Variants in BMPER observed in about 807,000 individuals in gnomAD.
The protein encoded by BMPER is BMP binding endothelial regulator, also known as BMP-binding endothelial regulator protein.
Under a neutral mutation model 87.3 loss-of-function variants are expected in BMPER, and 45 were observed. The ratio of observed to expected loss-of-function variants is 0.52; its 90% CI spans 0.41 to 0.66. The LOEUF is 0.66. Ranked by LOEUF, BMPER falls within the 30% of genes least tolerant of loss-of-function variation. The probability of loss-of-function intolerance (pLI) is 0.00; values close to 1 mark genes in which losing one functional copy is unlikely to be tolerated. For synonymous variants in BMPER, 326 were observed against 316.2 expected, an observed-to-expected ratio of 1.03 and a Z score of -0.33; for missense variants, 784 against 867.5, an observed-to-expected ratio of 0.90 and a Z score of 1.21.
intron 6 of BMPER, among the ~76,000 whole-genome samples, chr7:34,020,327 T>G (rs1787145832): frequency 6.6e-6 from 1 of 151,970 alleles, no homozygotes; most frequent in South Asian, 2.1e-4. Flanking sequence ...GGTATAGAAA[T>G]AAGTTGGCAG....
Position 34,001,026 on chromosome 7 carries a change from C to T in BMPER, c.576+26242C>T, listed in dbSNP as rs541794844. On this transcript the variant is annotated intron_variant, in intron 6 of 14. Transcript: ENST00000649409. ...ATTTTAAACCAACCTTACATTTCTG[C>T]GATAACTCTCACATGCTATATCTTT... Among the ~76,000 whole-genome samples, 11 of 151,914 alleles carry T rather than the reference C, an allele frequency of 7.2e-5. No individual in the cohort carries two copies. In the South Asian group the frequency reaches 1.2e-3, roughly 17 times the overall value.
intron 13 of BMPER, among the ~76,000 whole-genome samples, chr7:34,129,288 G>A (rs1562761629): frequency 6.6e-6 from 1 of 151,938 alleles, no homozygotes; most frequent in African/African-American, 2.4e-5. Flanking sequence ...GGATCATAAG[G>A]TCAGGAGTTT....
chr7:34,077,202 G>C (rs1788888171), intron 11 of BMPER, among the ~76,000 whole-genome samples: 1 of 152,306 alleles, frequency 6.6e-6, no homozygotes, highest in South Asian at 2.1e-4. Flanking sequence ...GGAAATGTGG[G>C]ATAGGATGAT....
chr7:33,941,306 G>A (rs1004188922), intron 3 of BMPER, among the ~76,000 whole-genome samples: 20 of 149,958 alleles, frequency 1.3e-4, no homozygotes, highest in East Asian at 9.7e-4. Context: ...ATGGAGCCTC[G>A]TTTTTTCAGA....
chr7:34,137,448 T>C (rs1026129112), intron 13 of BMPER, among the ~76,000 whole-genome samples: 5 of 152,264 alleles, frequency 3.3e-5, no homozygotes, highest in Non-Finnish European at 5.9e-5. Context: ...TTTCACTCTT[T>C]GAATGATTCA....
chr7:33,933,735 A>G (rs1022207883), intron 2 of BMPER, among the ~76,000 whole-genome samples: 5 of 152,130 alleles, frequency 3.3e-5, no homozygotes, highest in African/African-American at 1.2e-4. Context: ...TCCTGTCTGG[A>G]GCCACCAGGA....
intron 12 of BMPER, 23 bp downstream of exon 12, chr7:34,079,209 C>T (rs1414743589): frequency 6.2e-7 from 1 of 1,612,692 alleles, no homozygotes; most frequent in African/African-American, 1.3e-5. Flanking sequence ...TGGCCTCCCT[C>T]TTGCTCTAGC....
At chr7:33,906,463 AT>A (rs1783819419) in intron 1 of BMPER, among the ~76,000 whole-genome samples, 1 of 91,996 alleles carries the variant, frequency 1.1e-5, no homozygotes, top group Admixed American at 1.3e-4. Flanking sequence ...TTTAAATTTT[AT>A]TTTTTATTTT....
intron 13 of BMPER, among the ~76,000 whole-genome samples, chr7:34,086,896 T>C (rs1436202422): frequency 6.6e-6 from 1 of 152,138 alleles, no homozygotes; most frequent in Non-Finnish European, 1.5e-5. Context: ...TTAACCACTG[T>C]GGGTGTGGGA....
At chr7:33,961,854 G>C (rs1438973488) in intron 3 of BMPER, among the ~76,000 whole-genome samples, 1 of 152,144 alleles carries the variant, frequency 6.6e-6, no homozygotes, top group Non-Finnish European at 1.5e-5. Context: ...TGGAGTTCTA[G>C]GGATGAAGGG....
chr7:33,906,520 AAGG>A (rs1310632356), intron 1 of BMPER, among the ~76,000 whole-genome samples: 1 of 152,088 alleles, frequency 6.6e-6, no homozygotes, highest in Non-Finnish European at 1.5e-5. Context: ...TATCTTCATA[AAGG>A]AGGAGTGTTA....
At chr7:33,905,435 CTCT>C, upstream of BMPER, 2 of 216,268 alleles carry the variant, frequency 9.2e-6, no homozygotes, top group South Asian at 5.5e-5. Flanking sequence ...ACACCTTGGT[CTCT>C]CCCCCCGCCC....
At chr7:33,970,491 C>T in intron 5 of BMPER, 72 bp downstream of exon 5, 2 of 1,483,992 alleles carry the variant, frequency 1.3e-6, no homozygotes, top group African/African-American at 1.4e-5. Context: ...CTCCCAACCC[C>T]TCTTGTTGGA....
At chr7:34,027,265 T>C (rs1787382206) in intron 6 of BMPER, among the ~76,000 whole-genome samples, 1 of 152,232 alleles carries the variant, frequency 6.6e-6, no homozygotes, top group South Asian at 2.1e-4. Context: ...ACTATTTGCC[T>C]TTTTGACTAT....
intron 3 of BMPER, among the ~76,000 whole-genome samples, chr7:33,952,447 G>A (rs1785048216): frequency 6.6e-6 from 1 of 152,130 alleles, no homozygotes; most frequent in Admixed American, 6.5e-5. Context: ...TTGTTTCATG[G>A]AGGGCCATAA....
At chr7:34,016,058 T>G (rs1787018494) in intron 6 of BMPER, among the ~76,000 whole-genome samples, 1 of 151,336 alleles carries the variant, frequency 6.6e-6, no homozygotes, top group Admixed American at 6.6e-5. Context: ...CACTGTCAGG[T>G]TTTAAGGCTT....
chr7:34,124,835 T>G (rs1246292397), intron 13 of BMPER, among the ~76,000 whole-genome samples: 5 of 152,166 alleles, frequency 3.3e-5, no homozygotes, highest in Admixed American at 2.0e-4. Flanking sequence ...TTCTTTTGCT[T>G]TAGTTTTAAC....
chr7:33,950,874 A>G (rs1001311084), intron 3 of BMPER, among the ~76,000 whole-genome samples: 5 of 152,148 alleles, frequency 3.3e-5, no homozygotes, highest in Admixed American at 2.0e-4. Context: ...ATCGAGAATG[A>G]TACTTACAGC....
At chr7:33,974,424 G>A (rs1013467271) in intron 5 of BMPER, among the ~76,000 whole-genome samples, 5 of 152,154 alleles carry the variant, frequency 3.3e-5, no homozygotes, top group South Asian at 2.1e-4. Flanking sequence ...TGCAGCTCCC[G>A]GACCCCAAGC....
Sources: gnomAD v4.1 joint callset for allele counts (sites outside exome capture counted in the v4.1 genomes callset) on GRCh38, gnomAD v4.1.1 for gene constraint, MANE v1.5 for transcripts, NCBI Gene and HGNC (gene_info 2026-07-23, HGNC 2026-07-21) for gene names.